PARG: variants seen among roughly 807,000 people sequenced by gnomAD.
PARG encodes mitochondrial poly(ADP-ribose) glycohydrolase.
Under a neutral mutation model 113.0 loss-of-function variants are expected in PARG, and 35 were observed. The ratio of observed to expected loss-of-function variants is 0.31; its 90% CI spans 0.24 to 0.41. PARG has a LOEUF of 0.41. PARG is among the 10% of genes least tolerant of loss of function. The pLI is 1.00. For synonymous variants in PARG, 330 were observed against 409.9 expected (o/e 0.81, Z 2.36); for missense variants, 797 against 1,169.4 (o/e 0.68, Z 4.64).
intron 13 of PARG, among the ~76,000 whole-genome samples, chr10:49,853,771 A>C (rs1446175093): frequency 1.3e-5 from 2 of 152,202 alleles, no homozygotes; most frequent in Non-Finnish European, 2.9e-5. Flanking sequence ...ATAAACTCAG[A>C]CAATTTACAA....
rs1554834195 is a variant in PARG, at chr10:49,851,401, TAA to T, written c.2353+5903_2353+5904del. Among the ~76,000 whole-genome samples the T allele has an allele frequency of 3.4e-5, 5 of 149,044 alleles. No individual in the cohort carries two copies. In the Admixed American group the frequency reaches 3.4e-4, roughly 10 times the overall value. On this transcript the variant is annotated intron_variant, in intron 13 of 17. Transcript: ENST00000616448. ...TAGAAAAGACAAGCATAAAAACGTTTAATTTCCAAACATTTTTGGAAAACTCC... is the reference window on the plus strand; with the variant it reads ...TAGAAAAGACAAGCATAAAAACGTTTTTTCCAAACATTTTTGGAAAACTCC...
intron 7 of PARG, among the ~76,000 whole-genome samples, chr10:49,894,714 A>G (rs763980550): frequency 2.0e-5 from 3 of 152,186 alleles, no homozygotes; most frequent in Non-Finnish European, 4.4e-5. Flanking sequence ...TGGGTTTACT[A>G]CTTCGTTCCA....
chr10:49,833,888 C>G (rs1554830720), intron 15 of PARG, among the ~76,000 whole-genome samples: 1 of 151,884 alleles, frequency 6.6e-6, no homozygotes, highest in Non-Finnish European at 1.5e-5. Flanking sequence ...AGAGAAAAAC[C>G]AAGGATAAAG....
intron 10 of PARG, chr10:49,867,082 G>A (rs1485761281): frequency 1.4e-4 from 22 of 152,094 alleles, no homozygotes; most frequent in African/African-American, 5.3e-4. Context: ...CATAGGTCTA[G>A]ACTAGAGGTG....
In PARG at chr10:49,836,307, CTTTTT is replaced by C. The variant is rs1168567519; in HGVS notation, c.2542-3404_2542-3400del. Among the ~76,000 whole-genome samples, 52 of 48,004 alleles carry C rather than the reference CTTTTT, an allele frequency of 1.1e-3. 1 individual carries two copies. The South Asian group carries it at 0.046, about 43-fold the overall frequency. The allele number at this position is 48,004 out of a possible 152,430, so 31.5% of individuals were successfully genotyped here. On this transcript the variant is annotated intron_variant, in intron 15 of 17. Transcript: ENST00000616448. Reference sequence around the variant, plus strand: ...TTTAGTATTCTCTGATTTCTTACGACTTTTTTTTTTTTTTTTTTTTTTTTTTTTTA... The same window carrying C: ...TTTAGTATTCTCTGATTTCTTACGACTTTTTTTTTTTTTTTTTTTTTTTTA...
intron 13 of PARG, among the ~76,000 whole-genome samples, chr10:49,854,407 T>A (rs1845893720): frequency 1.3e-5 from 2 of 152,184 alleles, no homozygotes; most frequent in South Asian, 4.1e-4. Context: ...CTTGAGGTGG[T>A]GGCAAACAGC....
intron 6 of PARG, among the ~76,000 whole-genome samples, chr10:49,920,996 C>A (rs1258741047): frequency 1.3e-5 from 2 of 152,114 alleles, no homozygotes; most frequent in Non-Finnish European, 2.9e-5. Flanking sequence ...GAGCAGACTG[C>A]TCTCAGCTTG....
chr10:49,923,353 C>G (rs1286799366), intron 4 of PARG, among the ~76,000 whole-genome samples: 1 of 152,132 alleles, frequency 6.6e-6, no homozygotes, highest in Non-Finnish European at 1.5e-5. Flanking sequence ...TTGTCTTCCT[C>G]TCCCTCACTA....
intron 13 of PARG, among the ~76,000 whole-genome samples, chr10:49,856,463 A>C (rs1180494703): frequency 6.6e-6 from 1 of 152,214 alleles, no homozygotes; most frequent in Non-Finnish European, 1.5e-5. Context: ...TACAGGCATG[A>C]ACTATCGCGC....
At chr10:49,895,953 G>A (rs376362696) in intron 7 of PARG, among the ~76,000 whole-genome samples, 2 of 152,152 alleles carry the variant, frequency 1.3e-5, no homozygotes, top group Admixed American at 6.5e-5. Context: ...CTGACCTTAT[G>A]TCTTGCTAAA....
intron 15 of PARG, among the ~76,000 whole-genome samples, chr10:49,839,418 T>C (rs1433820676): frequency 2.6e-5 from 4 of 152,182 alleles, no homozygotes; most frequent in African/African-American, 9.7e-5. Context: ...GCAGTGTGAC[T>C]GACTGCCGCC....
chr10:49,818,319 T>C lies in PARG; in HGVS notation c.*1021A>G, dbSNP rs542606221. On this transcript the variant is annotated 3_prime_UTR_variant, in exon 18 of 18. Transcript: ENST00000616448. ...CCAATTTTATTTAGATTTTATGTGCTCACATATAGACACACTTAAAGAGCA... is the reference window on the plus strand; with the variant it reads ...CCAATTTTATTTAGATTTTATGTGCCCACATATAGACACACTTAAAGAGCA... 25 of 152,604 alleles carry C rather than the reference T, an allele frequency of 1.6e-4. No individual in the cohort carries two copies. The highest frequency in any genetic ancestry group is 3.7e-4 in the Non-Finnish European group (25 of 68,026). 9.5% of individuals were successfully genotyped at this position (152,604 alleles called of 1,614,324 possible).
At chr10:49,839,533 C>T (rs1554831828) in intron 15 of PARG, among the ~76,000 whole-genome samples, 1 of 152,146 alleles carries the variant, frequency 6.6e-6, no homozygotes, top group East Asian at 1.9e-4. Flanking sequence ...AAATGTTCTT[C>T]CATGTTGCCA....
At chr10:49,846,622 A>T (rs1191121951) in intron 13 of PARG, among the ~76,000 whole-genome samples, 3 of 152,190 alleles carry the variant, frequency 2.0e-5, no homozygotes, top group African/African-American at 7.2e-5. Context: ...AATTGAAGAT[A>T]TTGGGAGCCA....
chr10:49,819,615 T>C lies in PARG; in HGVS notation c.2777-121A>G, dbSNP rs938527184. ...TATGCTCAGACTTGGCTTTTGAAAA[T>C]ACAGCATGAATTTCATATGCCTGAA... On this transcript the variant is annotated intron_variant, in intron 17 of 17. Coordinates refer to ENST00000616448, the MANE Select transcript of PARG (RefSeq NM_003631.5). 1.3e-5 allele frequency: 9 copies of C among 700,226 alleles called. No homozygotes were observed. The East Asian group carries it at 1.4e-4, about 11-fold the overall frequency. The allele number at this position is 700,226 out of a possible 1,614,324, so 43.4% of individuals were successfully genotyped here.
At chr10:49,923,597 AGT>A (rs781959338) in intron 4 of PARG, among the ~76,000 whole-genome samples, 25 of 152,076 alleles carry the variant, frequency 1.6e-4, no homozygotes, top group Non-Finnish European at 3.5e-4. Flanking sequence ...ACAACCCTCA[AGT>A]GATGCACAGG....
chr10:49,866,871 A>G (rs1199798796), intron 10 of PARG, among the ~76,000 whole-genome samples: 1 of 152,118 alleles, frequency 6.6e-6, no homozygotes, highest in Non-Finnish European at 1.5e-5. Flanking sequence ...TTTATCTAAA[A>G]CTATATAGAA....
rs1847249598 is a variant in PARG, at chr10:49,882,216, A to G, written c.1831-2386T>C. On this transcript the variant is annotated intron_variant, in intron 8 of 17. Coordinates refer to ENST00000616448, the MANE Select transcript of PARG (RefSeq NM_003631.5). ...TCAGGAGATGTAAATCTTACTGTCA[A>G]GCAATCGGCTCAACAAAATAAGAGG... Among the ~76,000 whole-genome samples, 3 of 150,968 alleles carry G rather than the reference A, an allele frequency of 2.0e-5. No individual in the cohort carries two copies. The South Asian group carries it at 6.4e-4, about 32-fold the overall frequency.
intron 7 of PARG, among the ~76,000 whole-genome samples, chr10:49,887,970 G>A (rs1847579092): frequency 6.6e-6 from 1 of 151,754 alleles, no homozygotes; most frequent in Non-Finnish European, 1.5e-5. Flanking sequence ...CTCCTTATGG[G>A]TTACTTGAAC....
Sources: gnomAD v4.1 joint callset for allele counts (sites outside exome capture counted in the v4.1 genomes callset) on GRCh38, gnomAD v4.1.1 for gene constraint, MANE v1.5 for transcripts, NCBI Gene and HGNC (gene_info 2026-07-23, HGNC 2026-07-21) for gene names.